The following MCPH1 variants were observed in gnomAD, a reference collection of about 807,000 sequenced individuals.
MCPH1 encodes microcephalin.
Under a neutral mutation model 84.5 loss-of-function variants are expected in MCPH1, and 104 were observed. That is an observed-to-expected ratio of 1.23 (90% confidence interval 1.05 to 1.45). The LOEUF is 1.45. Ranked by LOEUF, MCPH1 falls within the 40% of genes most tolerant of loss-of-function variation. MCPH1 has a pLI of 0.00. For synonymous variants in MCPH1, 514 were observed against 366.8 expected, an observed-to-expected ratio of 1.40 and a Z score of -4.58; for missense variants, 1,498 against 1,005.7, an observed-to-expected ratio of 1.49 and a Z score of -6.62.
chr8:6,460,280 C>G (rs1475272478), intron 9 of MCPH1, among the ~76,000 whole-genome samples: 1 of 152,062 alleles, frequency 6.6e-6, no homozygotes, highest in Non-Finnish European at 1.5e-5. Flanking sequence ...GGTTTCTTTT[C>G]CATTTCACCT....
intron 12 of MCPH1, among the ~76,000 whole-genome samples, chr8:6,548,469 C>T (rs1823008566): frequency 1.3e-5 from 2 of 152,138 alleles, no homozygotes; most frequent in East Asian, 1.9e-4. Flanking sequence ...CTCCTCTGCC[C>T]AGCTCGAGGA....
At chr8:6,406,800 C>A (rs1373005787) in intron 1 of MCPH1, 111 bp downstream of exon 1, 11 of 1,220,770 alleles carry the variant, frequency 9.0e-6, no homozygotes, top group Non-Finnish European at 1.2e-6. Context: ...GCCCCTCCCT[C>A]GCTGCCTGTC....
At chr8:6,422,299 C>G (rs2916769) in intron 3 of MCPH1, among the ~76,000 whole-genome samples, 1 of 151,444 alleles carries the variant, frequency 6.6e-6, no homozygotes, top group Non-Finnish European at 1.5e-5. Flanking sequence ...AGTTAAGTGG[C>G]GTAGAGATAC....
Position 6,448,940 on chromosome 8 carries a change from A to C in MCPH1, c.1825+3393A>C, listed in dbSNP as rs1179609662. Among the ~76,000 whole-genome samples the C allele has an allele frequency of 4.6e-5, 7 of 152,214 alleles. No homozygotes were observed. The East Asian group carries it at 1.4e-3, about 29-fold the overall frequency. ...TCCACAAAATTTTTATTGACACTGG[A>C]ATACATTTTTTTTTGTAATACAGGT... On this transcript the variant is annotated intron_variant, in intron 8 of 13. Coordinates refer to ENST00000344683, the MANE Select transcript of MCPH1 (RefSeq NM_024596.5).
chr8:6,427,358 A>G (rs758268273), intron 3 of MCPH1, among the ~76,000 whole-genome samples: 2 of 152,084 alleles, frequency 1.3e-5, no homozygotes, highest in Non-Finnish European at 1.5e-5. Context: ...TTTTGGAGCA[A>G]CTGTATTAAC....
chr8:6,453,534 T>C (rs571017482), intron 8 of MCPH1, among the ~76,000 whole-genome samples: 5 of 152,318 alleles, frequency 3.3e-5, no homozygotes, highest in East Asian at 3.9e-4. Flanking sequence ...TATAAAACTT[T>C]TATTGAATAC....
intron 12 of MCPH1, among the ~76,000 whole-genome samples, chr8:6,590,634 A>T (rs970931325): frequency 3.9e-5 from 6 of 152,258 alleles, no homozygotes; most frequent in Non-Finnish European, 8.8e-5. Context: ...TGTCACAAGC[A>T]ATAGCTTAAG....
chr8:6,520,024 G>T, intron 12 of MCPH1: 1 of 1,608,492 alleles, frequency 6.2e-7, no homozygotes, highest in Non-Finnish European at 8.5e-7. Context: ...CATTTAAACG[G>T]AGTTCATGAA....
intron 9 of MCPH1, among the ~76,000 whole-genome samples, chr8:6,473,146 C>G (rs1318080194): frequency 2.0e-5 from 3 of 151,956 alleles, no homozygotes; most frequent in African/African-American, 4.8e-5. Context: ...ACCAAAGAAA[C>G]AGGCTCATCA....
chr8:6,513,939 C>A (rs1815714679), intron 12 of MCPH1: 2 of 1,193,398 alleles, frequency 1.7e-6, no homozygotes, highest in Non-Finnish European at 2.3e-6. Context: ...GAATAACTAT[C>A]AAATAGCAGA....
At chr8:6,510,907 C>G (rs1722045442) in intron 12 of MCPH1, among the ~76,000 whole-genome samples, 1 of 152,202 alleles carries the variant, frequency 6.6e-6, no homozygotes, top group Non-Finnish European at 1.5e-5. Flanking sequence ...AAAAGTGAGA[C>G]TGGCCGTAGC....
chr8:6,548,007 A>C (rs535932752), intron 12 of MCPH1, among the ~76,000 whole-genome samples: 172 of 151,854 alleles, frequency 1.1e-3, no homozygotes, highest in Middle Eastern at 6.8e-3. Context: ...CCTCAGTTGT[A>C]GAAATTTAGT....
At position 6,438,938 on chromosome 8, in the gene MCPH1, T is replaced by C. The variant is rs886063056; in HGVS notation, c.437-15T>C. On this transcript the variant is annotated splice_polypyrimidine_tract_variant and intron_variant, in intron 5 of 13. Coordinates refer to ENST00000344683, the MANE Select transcript of MCPH1 (RefSeq NM_024596.5). ...CACTTTTTGGTCTTAAAGTGGATTT[T>C]TTGTTTATTTTCAGATGATGATGTA... is the stretch of plus-strand genomic sequence containing the variant. 1.9e-6 allele frequency: 3 copies of C among 1,610,394 alleles called. No homozygotes were observed. In the East Asian group the frequency reaches 6.7e-5, roughly 36 times the overall value.
chr8:6,514,907 G>T, intron 12 of MCPH1: 2 of 684,352 alleles, frequency 2.9e-6, no homozygotes, highest in Non-Finnish European at 5.1e-6. Flanking sequence ...ATAAGGCACG[G>T]AGTAGACCAT....
chr8:6,636,752 G>C (rs1294596866), intron 13 of MCPH1, among the ~76,000 whole-genome samples: 5 of 152,086 alleles, frequency 3.3e-5, no homozygotes, highest in African/African-American at 1.2e-4. Flanking sequence ...TTAGACTCTG[G>C]TCCTATCTTC....
intron 12 of MCPH1, among the ~76,000 whole-genome samples, chr8:6,578,320 A>G (rs1490569087): frequency 6.6e-6 from 1 of 152,234 alleles, no homozygotes; most frequent in Admixed American, 6.5e-5. Context: ...TTCGTTGGCA[A>G]AAGAAAAGTG....
chr8:6,632,806 C>T (rs979107355), intron 13 of MCPH1, among the ~76,000 whole-genome samples: 2 of 149,258 alleles, frequency 1.3e-5, no homozygotes, highest in Admixed American at 6.8e-5. Context: ...GAGACTCTGT[C>T]TAAGAAGAAG....
intron 12 of MCPH1, among the ~76,000 whole-genome samples, chr8:6,575,885 C>A (rs2442557): frequency 6.6e-6 from 1 of 151,882 alleles, no homozygotes; most frequent in Non-Finnish European, 1.5e-5. Flanking sequence ...GCAGAGAGGC[C>A]TGGGACAGAT....
At chr8:6,521,764 G>A (rs547169571) in intron 12 of MCPH1, among the ~76,000 whole-genome samples, 2 of 152,346 alleles carry the variant, frequency 1.3e-5, no homozygotes, top group South Asian at 4.2e-4. Flanking sequence ...TGCTCATGAA[G>A]TGCTTTTTTG....
Sources: allele counts gnomAD v4.1 joint callset (sites outside exome capture counted in the v4.1 genomes callset), GRCh38; gene constraint gnomAD v4.1.1; transcripts MANE v1.5; gene names NCBI Gene and HGNC (gene_info 2026-07-23, HGNC 2026-07-21).